The following RIMKLB variants were observed in gnomAD, a reference collection of about 807,000 sequenced individuals.
RIMKLB encodes the protein ribosomal modification protein rimK like family member B.
In RIMKLB, 7 loss-of-function variants were observed where a neutral mutation model predicts 32.0. The observed-to-expected ratio is 0.22, with a 90% CI of 0.12 to 0.41. The LOEUF (loss-of-function observed/expected upper bound fraction) is 0.41. RIMKLB is among the 10% of genes least tolerant of loss of function. The pLI, the probability that RIMKLB is intolerant of heterozygous loss-of-function variation, is 1.00. For missense variants in RIMKLB, 289 were observed against 498.7 expected (o/e 0.58, Z 4.00); for synonymous variants, 172 against 185.1 (o/e 0.93, Z 0.57).
At chr12:8,716,770 T>A (rs1277234725) in intron 2 of RIMKLB, among the ~76,000 whole-genome samples, 2 of 140,874 alleles carry the variant, frequency 1.4e-5, no homozygotes, top group Non-Finnish European at 3.0e-5. Flanking sequence ...GGGGTCTCGC[T>A]CTGTCACCTT....
upstream of RIMKLB, among the ~76,000 whole-genome samples, chr12:8,693,524 G>A (rs987213160): frequency 8.6e-5 from 13 of 151,570 alleles, no homozygotes; most frequent in African/African-American, 1.2e-4. Flanking sequence ...AGCCTCCTGA[G>A]TAGGTGGGAT....
At chr12:8,698,712 C>T (rs1017803026) in intron 1 of RIMKLB, among the ~76,000 whole-genome samples, 1 of 146,434 alleles carries the variant, frequency 6.8e-6, no homozygotes, top group African/African-American at 2.6e-5. Context: ...CCCCCTCCCC[C>T]CCCTTCCCAC....
At chr12:8,760,967 G>C in intron 5 of RIMKLB, among the ~76,000 whole-genome samples, 1 of 151,998 alleles carries the variant, frequency 6.6e-6, no homozygotes, top group Non-Finnish European at 1.5e-5. Flanking sequence ...AAGGTTCACA[G>C]CTCAGTTTTA....
At chr12:8,740,182 A>G (rs982150994) in intron 2 of RIMKLB, among the ~76,000 whole-genome samples, 22 of 152,212 alleles carry the variant, frequency 1.4e-4, no homozygotes, top group African/African-American at 4.6e-4. Context: ...CTGGGATTAT[A>G]AGTGTAAGCT....
intron 1 of RIMKLB, among the ~76,000 whole-genome samples, chr12:8,698,706 C>T (rs1943092328): frequency 1.4e-5 from 2 of 142,404 alleles, no homozygotes; most frequent in South Asian, 4.3e-4. Flanking sequence ...GACACTCCCC[C>T]TCCCCCCCCT....
chr12:8,709,676 C>CT (rs1210630803), intron 1 of RIMKLB, among the ~76,000 whole-genome samples: 6 of 151,194 alleles, frequency 4.0e-5, no homozygotes, highest in Non-Finnish European at 7.4e-5. Flanking sequence ...ACAGGTTTCA[C>CT]TTTCCCTGGT....
intron 2 of RIMKLB, among the ~76,000 whole-genome samples, chr12:8,718,659 A>ATGTGTGTGTGTGTGTGTGTG (rs1213938637): frequency 2.8e-4 from 33 of 119,372 alleles, no homozygotes; most frequent in African/African-American, 1.1e-3. Flanking sequence ...CTCTCTATAT[A>ATGTGTGTGTGTGTGTGTGTG]TATATATATA....
intron 2 of RIMKLB, among the ~76,000 whole-genome samples, chr12:8,729,972 G>A (rs1285513552): frequency 3.9e-5 from 6 of 152,154 alleles, no homozygotes; most frequent in Non-Finnish European, 5.9e-5. Context: ...TTGGCTATTT[G>A]TATATCTTTG....
intron 5 of RIMKLB, among the ~76,000 whole-genome samples, chr12:8,756,395 C>T (rs1949026754): frequency 6.6e-6 from 1 of 152,108 alleles, no homozygotes; most frequent in African/African-American, 2.4e-5. Flanking sequence ...CCCCAGATTC[C>T]TACTTATCTC....
chr12:8,701,289 A>G (rs1424041138), intron 1 of RIMKLB, among the ~76,000 whole-genome samples: 3 of 152,226 alleles, frequency 2.0e-5, no homozygotes, highest in Non-Finnish European at 4.4e-5. Context: ...TAGTACCTCC[A>G]AAAGTATCTA....
chr12:8,736,568 T>A (rs932965339), intron 2 of RIMKLB, among the ~76,000 whole-genome samples: 1 of 147,294 alleles, frequency 6.8e-6, no homozygotes, highest in Non-Finnish European at 1.5e-5. Flanking sequence ...CAGGCTGGAG[T>A]GCAGTGGTGT....
chr12:8,737,933 C>T (rs979622448), intron 2 of RIMKLB, among the ~76,000 whole-genome samples: 2 of 152,076 alleles, frequency 1.3e-5, no homozygotes, highest in African/African-American at 4.8e-5. Flanking sequence ...AGACTGGTCT[C>T]GAACTCATGA....
chr12:8,717,001 T>C (rs1944920447), intron 2 of RIMKLB, among the ~76,000 whole-genome samples: 1 of 151,592 alleles, frequency 6.6e-6, no homozygotes, highest in South Asian at 2.1e-4. Context: ...TAAAAATTTT[T>C]CAGACTTTTT....
intron 2 of RIMKLB, among the ~76,000 whole-genome samples, chr12:8,736,492 C>T (rs888720490): frequency 1.3e-5 from 2 of 150,688 alleles, no homozygotes; most frequent in African/African-American, 4.9e-5. Context: ...GATCAAGGTG[C>T]CCCAAATTCT....
chr12:8,696,962 C>T (rs1363414571), upstream of RIMKLB, among the ~76,000 whole-genome samples: 1 of 151,730 alleles, frequency 6.6e-6, no homozygotes, highest in Non-Finnish European at 1.5e-5. Context: ...CGTCTGTAGC[C>T]CTTTTTTTTT....
At chr12:8,765,103 T>C (rs972221146) in intron 5 of RIMKLB, among the ~76,000 whole-genome samples, 12 of 151,950 alleles carry the variant, frequency 7.9e-5, no homozygotes, top group African/African-American at 2.7e-4. Context: ...GATAAACTTA[T>C]CATTTAAGAT....
At chr12:8,737,093 G>A (rs184234137) in intron 2 of RIMKLB, among the ~76,000 whole-genome samples, 6 of 152,304 alleles carry the variant, frequency 3.9e-5, no homozygotes, top group Admixed American at 3.3e-4. Context: ...TATTACAGAC[G>A]TGAGCCATCG....
intron 4 of RIMKLB, 23 bp from the exon 5 acceptor site, chr12:8,753,867 A>G: frequency 6.3e-7 from 1 of 1,595,462 alleles, no homozygotes; most frequent in Non-Finnish European, 8.6e-7. Flanking sequence ...CTTAACATGT[A>G]TTTTTATTCT....
At chr12:8,723,178 A>T (rs759367008) in intron 2 of RIMKLB, among the ~76,000 whole-genome samples, 1 of 152,182 alleles carries the variant, frequency 6.6e-6, no homozygotes, top group Non-Finnish European at 1.5e-5. Context: ...TTTCAATTTA[A>T]AGTAAGAGAT....
Sources: gnomAD v4.1 joint callset for allele counts (sites outside exome capture counted in the v4.1 genomes callset) on GRCh38, gnomAD v4.1.1 for gene constraint, MANE v1.5 for transcripts, NCBI Gene and HGNC (gene_info 2026-07-23, HGNC 2026-07-21) for gene names.